The following C2orf69 variants were observed in gnomAD, a reference collection of about 807,000 sequenced individuals.
C2orf69 encodes the protein mitochondrial protein C2orf69.
In C2orf69, 19 loss-of-function variants were observed where a neutral mutation model predicts 29.5. That is an observed-to-expected ratio of 0.65 (90% CI 0.45 to 0.95). C2orf69 has a LOEUF of 0.95. Among genes scored for constraint, C2orf69 ranks in the 40% least tolerant of loss-of-function variants. The pLI is 0.00. For synonymous variants in C2orf69, 194 were observed against 180.0 expected (o/e 1.08, Z -0.62); for missense variants, 416 against 482.1 (o/e 0.86, Z 1.28).
rs2077341375 is a variant in C2orf69, at chr2:199,927,743, T to C, written c.*1857T>C. 6.6e-6 allele frequency: 1 copy of C among 152,124 alleles called. No individual in the cohort carries two copies. Among genetic ancestry groups the C allele is most frequent in the East Asian group, 1.9e-4 (1 of 5,200 alleles). 9.4% of individuals were successfully genotyped at this position (152,124 alleles called of 1,614,324 possible). ...GATGGCTTTTTTTCTATTTGTTTAATAATCCTTGGCTAAATTCACATGTAT... is the reference window on the plus strand; with the variant it reads ...GATGGCTTTTTTTCTATTTGTTTAACAATCCTTGGCTAAATTCACATGTAT... On this transcript the variant is annotated 3_prime_UTR_variant, in exon 2 of 2. Coordinates refer to ENST00000319974, the MANE Select transcript of C2orf69 (RefSeq NM_153689.6).
chr2:199,913,635 GA>G (rs1431612502), intron 1 of C2orf69, among the ~76,000 whole-genome samples: 10 of 136,682 alleles, frequency 7.3e-5, no homozygotes, highest in South Asian at 4.4e-4. Context: ...AAAAACTGGA[GA>G]AAAAAAAAGA....
chr2:199,917,930 G>C (rs940615198), intron 1 of C2orf69, among the ~76,000 whole-genome samples: 2 of 152,198 alleles, frequency 1.3e-5, no homozygotes, highest in Non-Finnish European at 2.9e-5. Flanking sequence ...AGGGCTGGGG[G>C]TGCCTCTGAA....
intron 1 of C2orf69, among the ~76,000 whole-genome samples, chr2:199,923,729 AAAG>A (rs1320900770): frequency 2.0e-5 from 3 of 152,400 alleles, no homozygotes; most frequent in East Asian, 3.8e-4. Context: ...TTAGCTCAAA[AAAG>A]AAATGATTAA....
At chr2:199,915,730 T>C (rs930036322) in intron 1 of C2orf69, among the ~76,000 whole-genome samples, 1 of 152,026 alleles carries the variant, frequency 6.6e-6, no homozygotes, top group African/African-American at 2.4e-5. Context: ...TTGACCAGGC[T>C]GGTCTCAAAC....
chr2:199,926,092 A>G lies in C2orf69; in HGVS notation c.*206A>G. On this transcript the variant is annotated 3_prime_UTR_variant, in exon 2 of 2. Coordinates refer to ENST00000319974, the MANE Select transcript of C2orf69 (RefSeq NM_153689.6). ...CAGTTATTAATTTGGATTGAGTTAG[A>G]ATTAGTTAATTTGAAATCTAACAAG... is the stretch of plus-strand genomic sequence containing the variant. 2.0e-6 allele frequency: 1 copy of G among 505,218 alleles called. No homozygotes were observed. The highest frequency in any genetic ancestry group is 3.5e-6 in the Non-Finnish European group (1 of 284,070). The allele number at this position is 505,218 out of a possible 1,614,324, so 31.3% of individuals were successfully genotyped here. A position where few individuals can be genotyped will look rare whatever the true frequency, so the allele number is the denominator to read the frequency against.
chr2:199,922,031 T>TTATATATATATATATATATATA (rs370430093), intron 1 of C2orf69, among the ~76,000 whole-genome samples: 1,800 of 78,720 alleles, frequency 0.023, 131 homozygotes, highest in East Asian at 0.028. Context: ...ACTGTTATTT[T>TTATATATATATATATATATATA]TATATATATA....
At position 199,911,747 on chromosome 2, in the gene C2orf69, C is replaced by T. The variant is rs1218818444; in HGVS notation, c.309C>T (p.Val103=). The change falls in exon 1 of 2, where the codon GTC becomes GTT. Residue 103 remains valine (V), a synonymous_variant. Coordinates refer to ENST00000319974, the MANE Select transcript of C2orf69 (RefSeq NM_153689.6). ...EEPQPPPQHH[V]LYFPGDVQNY... ...CGCAGCCGCCGCCCCAGCATCACGTCCTCTATTTCCCTGGGGATGTGCAGG... is the reference window on the plus strand; with the variant it reads ...CGCAGCCGCCGCCCCAGCATCACGTTCTCTATTTCCCTGGGGATGTGCAGG... 1.8e-5 allele frequency: 27 copies of T among 1,539,904 alleles called. No individual in the cohort carries two copies. Among genetic ancestry groups the T allele is most frequent in the Non-Finnish European group, 2.1e-5 (24 of 1,146,908 alleles).
chr2:199,922,031 T>TTATATA lies in C2orf69; in HGVS notation c.334-3013_334-3008dup, dbSNP rs370430093. Among the ~76,000 whole-genome samples the TTATATA allele has an allele frequency of 2.7e-3, 210 of 78,964 alleles. 23 individuals carry two copies. In the Middle Eastern group the frequency reaches 0.035, roughly 13 times the overall value. 51.8% of individuals were successfully genotyped at this position (78,964 alleles called of 152,430 possible). A position where few individuals can be genotyped will look rare whatever the true frequency, so the allele number is the denominator to read the frequency against. On this transcript the variant is annotated intron_variant, in intron 1 of 1. Coordinates refer to ENST00000319974, the MANE Select transcript of C2orf69 (RefSeq NM_153689.6). ...TTCCCCAAGGCTGCCACTGTTATTT[T>TTATATA]TATATATATATATATATATATATGC... is the stretch of plus-strand genomic sequence containing the variant.
Position 199,927,643 on chromosome 2 carries a change from A to C in C2orf69, c.*1757A>C, listed in dbSNP as rs2105678883. On this transcript the variant is annotated 3_prime_UTR_variant, in exon 2 of 2. Transcript: ENST00000319974. ...AATACCTCGTTTCTTTTGAGACCAA[A>C]AATTCCCATCAAGGAAATAAATCAG... 1 of 152,034 alleles carries C rather than the reference A, an allele frequency of 6.6e-6. No individual in the cohort carries two copies. The highest frequency in any genetic ancestry group is 2.4e-5 in the African/African-American group (1 of 41,520). 9.4% of individuals were successfully genotyped at this position (152,034 alleles called of 1,614,324 possible). A position where few individuals can be genotyped will look rare whatever the true frequency, so the allele number is the denominator to read the frequency against.
chr2:199,923,084 G>T (rs750389637), intron 1 of C2orf69, among the ~76,000 whole-genome samples: 10 of 152,148 alleles, frequency 6.6e-5, no homozygotes, highest in Non-Finnish European at 1.3e-4. Context: ...TGCAGTTACA[G>T]TTCCTTCTGC....
intron 1 of C2orf69, among the ~76,000 whole-genome samples, chr2:199,923,351 T>C (rs533455292): frequency 1.3e-5 from 2 of 152,358 alleles, no homozygotes; most frequent in Admixed American, 6.5e-5. Flanking sequence ...GGCTATTGCC[T>C]ACTTAAAATG....
intron 1 of C2orf69, 127 bp downstream of exon 1, chr2:199,911,898 G>A (rs2077264402): frequency 3.7e-6 from 5 of 1,352,128 alleles, no homozygotes; most frequent in Middle Eastern, 1.8e-4. Context: ...ATTCACTGAG[G>A]GTGGCTCTTC....
At chr2:199,911,978 G>A (rs1008768652) in intron 1 of C2orf69, among the ~76,000 whole-genome samples, 1 of 152,302 alleles carries the variant, frequency 6.6e-6, no homozygotes, top group African/African-American at 2.4e-5. Context: ...AACCCCATGG[G>A]GAAGGTGTCC....
intron 1 of C2orf69, among the ~76,000 whole-genome samples, chr2:199,917,556 A>G (rs1424717193): frequency 6.6e-6 from 1 of 152,212 alleles, no homozygotes; most frequent in Non-Finnish European, 1.5e-5. Context: ...TTGCTAAACC[A>G]TAACAAGAGT....
In C2orf69 at chr2:199,927,420, A is replaced by C. The variant is rs1269581053; in HGVS notation, c.*1534A>C. The stretch of plus-strand genomic sequence containing the variant: ...TGTTAATTTCTTGGTTTCTTCCCAG[A>C]ATTATATTTTAATGACTCCATAAAT... On this transcript the variant is annotated 3_prime_UTR_variant, in exon 2 of 2. Transcript: ENST00000319974. 6.6e-6 allele frequency: 1 copy of C among 151,970 alleles called. No homozygotes were observed. The highest frequency in any genetic ancestry group is 2.4e-5 in the African/African-American group (1 of 41,418). 9.4% of individuals were successfully genotyped at this position (151,970 alleles called of 1,614,324 possible). A position where few individuals can be genotyped will look rare whatever the true frequency, so the allele number is the denominator to read the frequency against.
rs148648770 is a variant in C2orf69 at position 199,920,296 on chromosome 2, G to C, written c.334-4766G>C. On this transcript the variant is annotated intron_variant, in intron 1 of 1. Transcript: ENST00000319974. ...TGAAAGTGTGTTTCCATTGTTCCCA[G>C]ATCTGGGCTTTGACACACAGTAATG... Among the ~76,000 whole-genome samples, 259 of 152,256 alleles carry C rather than the reference G, an allele frequency of 1.7e-3. 3 individuals carry two copies. Among genetic ancestry groups the C allele is most frequent in the African/African-American group, 6.1e-3 (254 of 41,544 alleles).
At position 199,925,730 on chromosome 2, in the gene C2orf69, C is replaced by T. The variant is rs369616868; in HGVS notation, c.1002C>T (p.Tyr334=). ...GIIVHTHVTP[Y]QVRDPMRSWI... The stretch of plus-strand genomic sequence containing the variant: ...TCGTTCACACTCATGTAACACCTTA[C>T]CAAGTACGTGATCCAATGAGATCTT... The change falls in exon 2 of 2, where the codon TAC becomes TAT. Residue 334 remains tyrosine, a synonymous_variant. Coordinates refer to ENST00000319974, the MANE Select transcript of C2orf69 (RefSeq NM_153689.6). This position sits in a 1 kb window ranked among gnomAD's most constrained non-coding sequence, Gnocchi z 4.9. 5.3e-5 allele frequency: 85 copies of T among 1,613,784 alleles called. No individual in the cohort carries two copies. The highest frequency in any genetic ancestry group is 6.9e-5 in the Non-Finnish European group (81 of 1,179,850).
Position 199,926,693 on chromosome 2 carries a change from T to G in C2orf69, c.*807T>G, listed in dbSNP as rs1396006899. The G allele has an allele frequency of 6.6e-6, 1 of 152,590 alleles. No individual in the cohort carries two copies. Among genetic ancestry groups the G allele is most frequent in the Non-Finnish European group, 1.5e-5 (1 of 68,022 alleles). 9.5% of individuals were successfully genotyped at this position (152,590 alleles called of 1,614,324 possible). ...ACACTTAAGCACTATTGTTTAATTT[T>G]TAATTGTCAGTTTATCATTATTTTG... On this transcript the variant is annotated 3_prime_UTR_variant, in exon 2 of 2. Transcript: ENST00000319974.
At chr2:199,914,175 C>T (rs2077284805) in intron 1 of C2orf69, among the ~76,000 whole-genome samples, 1 of 152,110 alleles carries the variant, frequency 6.6e-6, no homozygotes, top group South Asian at 2.1e-4. Context: ...TGTCTGTGTT[C>T]ACTCCCTTCA....
Sources: gnomAD v4.1 joint callset for allele counts (sites outside exome capture counted in the v4.1 genomes callset) on GRCh38, gnomAD v4.1.1 for gene constraint, Gnocchi (gnomAD v3.1) non-coding constraint, MANE v1.5 for transcripts, NCBI Gene and HGNC (gene_info 2026-07-23, HGNC 2026-07-21) for gene names.